ZAP70: variants seen among roughly 807,000 people sequenced by gnomAD.
ZAP70 encodes the protein tyrosine-protein kinase ZAP-70.
Under a neutral mutation model 65.8 loss-of-function variants are expected in ZAP70, and 27 were observed. That is an observed-to-expected ratio of 0.41 (90% CI 0.30 to 0.57). The LOEUF (loss-of-function observed/expected upper bound fraction) is 0.57. ZAP70 is among the 20% of genes least tolerant of loss of function. The probability of loss-of-function intolerance (pLI) is 0.28; values close to 1 mark genes in which losing one functional copy is unlikely to be tolerated. For synonymous variants in ZAP70, 363 were observed against 360.8 expected, an observed-to-expected ratio of 1.01 and a Z score of -0.07; for missense variants, 696 against 870.5, an observed-to-expected ratio of 0.80 and a Z score of 2.52.
chr2:97,745,413 T>A, the ZAP70 span, among the ~76,000 whole-genome samples: 1 of 152,166 alleles, frequency 6.6e-6, no homozygotes, highest in African/African-American at 2.4e-5. Context: ...TGTTAGCAAA[T>A]CATTTATCTG....
At chr2:97,738,220 AC>A in intron 13 of ZAP70, 113 bp downstream of exon 13, 1 of 1,116,134 alleles carries the variant, frequency 9.0e-7, no homozygotes, top group Non-Finnish European at 1.3e-6. Context: ...AAAGCCCTTC[AC>A]CCAGTTCATA....
At position 97,733,195 on chromosome 2, in the gene ZAP70, G is replaced by C; in HGVS notation, c.773G>C (p.Ser258Thr). The change falls in exon 6 of 14, where the codon AGT becomes ACT. Residue 258 changes from serine (S) to threonine (T), a missense_variant. Around this residue, in one of 3 missense-constraint regions of ZAP70, gnomAD observed 551 missense variants for 630.0 expected, o/e 0.87. Transcript: ENST00000264972. ...YCLKEACPNS[S>T]ASNASGAAAP... ...CTGAAGGAGGCCTGCCCCAACAGCA[G>C]TGCCAGCAACGCCTCAGGTGACGGC... 1 of 1,613,702 alleles carries C rather than the reference G, an allele frequency of 6.2e-7. No homozygotes were observed. Among genetic ancestry groups the C allele is most frequent in the Non-Finnish European group, 8.5e-7 (1 of 1,179,924 alleles).
intron 2 of ZAP70, among the ~76,000 whole-genome samples, chr2:97,723,522 T>C (rs1677242383): frequency 6.6e-6 from 1 of 152,268 alleles, no homozygotes; most frequent in Non-Finnish European, 1.5e-5. Flanking sequence ...CCACCTCTTC[T>C]CTCTCTTAAT....
intron 2 of ZAP70, among the ~76,000 whole-genome samples, chr2:97,717,256 G>A (rs922085047): frequency 2.1e-4 from 32 of 152,208 alleles, no homozygotes; most frequent in Non-Finnish European, 3.8e-4. Context: ...GGGTGGTGGG[G>A]GGGCAGTAGG....
At chr2:97,753,566 T>G in the ZAP70 span, among the ~76,000 whole-genome samples, 1 of 152,224 alleles carries the variant, frequency 6.6e-6, no homozygotes, top group South Asian at 2.1e-4. Context: ...ATCCTTTACA[T>G]TATTTCAGGT....
At chr2:97,743,230 G>A (rs750738517), downstream of ZAP70, among the ~76,000 whole-genome samples, 37 of 152,158 alleles carry the variant, frequency 2.4e-4, no homozygotes, top group Non-Finnish European at 4.4e-4. Flanking sequence ...CCCACCTCTG[G>A]CTCTCCACTT....
intron 4 of ZAP70, chr2:97,732,626 T>C (rs1312413533): frequency 3.4e-6 from 2 of 581,764 alleles, no homozygotes; most frequent in Non-Finnish European, 6.1e-6. Flanking sequence ...TCCCCGTGAA[T>C]GGCCATCTGT....
downstream of ZAP70, among the ~76,000 whole-genome samples, chr2:97,742,603 G>T (rs116793155): frequency 0.011 from 1,600 of 152,332 alleles, 25 homozygotes; most frequent in African/African-American, 0.036. Flanking sequence ...TCTGTTGGAG[G>T]CTGGGGTCCC....
At chr2:97,735,593 C>A in intron 10 of ZAP70, 137 bp downstream of exon 10, 2 of 960,338 alleles carry the variant, frequency 2.1e-6, no homozygotes, top group Non-Finnish European at 3.1e-6. Context: ...TCTCAGCCTG[C>A]ACACCCACAC....
At position 97,735,449 on chromosome 2, in the gene ZAP70, G is replaced by C. The variant is rs149448335; in HGVS notation, c.1282G>C (p.Gly428Arg). ...CGGGCCGCTGCACAAGTTCCTGGTC[G>C]GCAAGAGGTGAGCACCGGGTGGGCC... The part of the protein sequence containing the change: ...GGGPLHKFLV[G>R]KREEIPVSNV... Residue 428 changes from glycine to arginine, a missense_variant, in exon 10 of 14, where the codon GGC becomes CGC. Transcript: ENST00000264972. 53 of 1,610,854 alleles carry C rather than the reference G, an allele frequency of 3.3e-5. No individual in the cohort carries two copies. Among genetic ancestry groups the C allele is most frequent in the Non-Finnish European group, 4.2e-5 (49 of 1,178,050 alleles).
chr2:97,722,100 G>T (rs1438053976), intron 2 of ZAP70, among the ~76,000 whole-genome samples: 1 of 150,756 alleles, frequency 6.6e-6, no homozygotes, highest in Non-Finnish European at 1.5e-5. Context: ...TCTTTTTAAA[G>T]ACAGAGTTTC....
In ZAP70 at chr2:97,735,425, G is replaced by A. The variant is rs760646899; in HGVS notation, c.1258G>A (p.Gly420Arg). The A allele has an allele frequency of 1.9e-6, 3 of 1,613,236 alleles. No homozygotes were observed. The highest frequency in any genetic ancestry group is 2.2e-5 in the East Asian group (1 of 44,858). Reference sequence around the variant, plus strand: ...GCTGGTCATGGAGATGGCTGGGGGCGGGCCGCTGCACAAGTTCCTGGTCGG... The same window carrying A: ...GCTGGTCATGGAGATGGCTGGGGGCAGGCCGCTGCACAAGTTCCTGGTCGG... ...LMLVMEMAGGGPLHKFLVGKR... is the reference protein window; with the variant it reads ...LMLVMEMAGGRPLHKFLVGKR... The change falls in exon 10 of 14, where the codon GGG becomes AGG. Residue 420 changes from glycine (G) to arginine (R), a missense_variant. This residue lies in a region of ZAP70 where 551 missense variants were observed against 630.0 expected (regional missense o/e 0.87). Transcript: ENST00000264972.
At chr2:97,741,073 G>A (rs1258959185), downstream of ZAP70, among the ~76,000 whole-genome samples, 3 of 152,204 alleles carry the variant, frequency 2.0e-5, no homozygotes, top group Non-Finnish European at 4.4e-5. Flanking sequence ...AGCTGTGATG[G>A]TTTAGCTTTT....
Position 97,737,457 on chromosome 2 carries a change from T to A in ZAP70, c.1290-16T>A. 6.2e-7 allele frequency: 1 copy of A among 1,613,892 alleles called. No individual in the cohort carries two copies. Among genetic ancestry groups the A allele is most frequent in the South Asian group, 1.1e-5 (1 of 91,082 alleles). The stretch of plus-strand genomic sequence containing the variant: ...TAGTCTTCTCCCAGCTGACCCCGCC[T>A]TCCCCGCCACCCCAGGGAGGAGATC... On this transcript the variant is annotated splice_polypyrimidine_tract_variant and intron_variant, in intron 10 of 13. Transcript: ENST00000264972. This position sits in a 1 kb window ranked among gnomAD's most constrained non-coding sequence, Gnocchi z 5.0.
At chr2:97,743,399 G>T (rs563995410), downstream of ZAP70, among the ~76,000 whole-genome samples, 5 of 152,166 alleles carry the variant, frequency 3.3e-5, no homozygotes, top group Admixed American at 1.3e-4. Context: ...GCAATGGCGC[G>T]ATCTTGGCTC....
the ZAP70 span, among the ~76,000 whole-genome samples, chr2:97,749,073 A>C: frequency 1.4e-5 from 2 of 143,308 alleles, no homozygotes; most frequent in Non-Finnish European, 3.0e-5. Flanking sequence ...GCAGTGGCGC[A>C]ATCTCGGCTC....
At chr2:97,752,806 C>A in the ZAP70 span, among the ~76,000 whole-genome samples, 3 of 152,130 alleles carry the variant, frequency 2.0e-5, no homozygotes, top group Non-Finnish European at 4.4e-5. Context: ...TTTTTTCCAA[C>A]CTGCCCATGT....
At position 97,738,080 on chromosome 2, in the gene ZAP70, C is replaced by T. The variant is rs1174846807; in HGVS notation, c.1709C>T (p.Ala570Val). The stretch of plus-strand genomic sequence containing the variant: ...CCAGAGTGTCCACCCGAACTGTACG[C>T]ACTCATGAGTGACTGCTGGATCTAC... ...CPPECPPELY[A>V]LMSDCWIYKW... Residue 570 changes from alanine to valine, a missense_variant, in exon 13 of 14, where the codon GCA becomes GTA. Around this residue, in one of 3 missense-constraint regions of ZAP70, gnomAD observed 78 missense variants for 88.6 expected, o/e 0.88. Coordinates refer to ENST00000264972, the MANE Select transcript of ZAP70 (RefSeq NM_001079.4). The T allele has an allele frequency of 6.2e-7, 1 of 1,607,588 alleles. No homozygotes were observed. The highest frequency in any genetic ancestry group is 8.5e-7 in the Non-Finnish European group (1 of 1,176,784).
At chr2:97,732,682 C>T (rs1677657466) in intron 4 of ZAP70, 1 of 698,008 alleles carries the variant, frequency 1.4e-6, no homozygotes, top group Non-Finnish European at 2.4e-6. Flanking sequence ...CAGCCATGGC[C>T]CCTCCACCGC....
Sources: gnomAD v4.1 joint callset for allele counts (sites outside exome capture counted in the v4.1 genomes callset) on GRCh38, gnomAD v4.1.1 for gene constraint, gnomAD v4.1.1 regional missense constraint, Gnocchi (gnomAD v3.1) non-coding constraint, MANE v1.5 for transcripts, NCBI Gene and HGNC (gene_info 2026-07-23, HGNC 2026-07-21) for gene names.